Variants in CDH12 observed in about 807,000 individuals in gnomAD.
CDH12 encodes the protein cadherin 12, also known as cadherin-12.
In CDH12, 41 loss-of-function variants were observed where a neutral mutation model predicts 74.1. That is an observed-to-expected ratio of 0.55 (90% CI 0.43 to 0.72). The LOEUF (loss-of-function observed/expected upper bound fraction) is 0.72. CDH12 is among the 30% of genes least tolerant of loss of function. CDH12 has a pLI of 0.00. For synonymous variants in CDH12, 399 were observed against 355.0 expected (o/e 1.12, Z -1.39); for missense variants, 945 against 977.2 (o/e 0.97, Z 0.44).
At chr5:22,258,890 C>T (rs558793180) in intron 3 of CDH12, among the ~76,000 whole-genome samples, 3 of 152,250 alleles carry the variant, frequency 2.0e-5, no homozygotes, top group African/African-American at 7.2e-5. Flanking sequence ...GCAAGAATAT[C>T]ACCTAATGAT....
chr5:22,673,616 C>T (rs1439734549), intron 1 of CDH12, among the ~76,000 whole-genome samples: 1 of 152,002 alleles, frequency 6.6e-6, no homozygotes, highest in Admixed American at 6.6e-5. Flanking sequence ...GGATATTTAC[C>T]TAAGCTCACT....
chr5:22,844,314 A>G (rs374997476), intron 1 of CDH12, among the ~76,000 whole-genome samples: 4 of 152,114 alleles, frequency 2.6e-5, no homozygotes, highest in African/African-American at 9.7e-5. Context: ...TACATGACCC[A>G]CATTAATGTT....
chr5:22,374,541 A>G (rs1741438767), intron 3 of CDH12, among the ~76,000 whole-genome samples: 1 of 152,126 alleles, frequency 6.6e-6, no homozygotes, highest in Non-Finnish European at 1.5e-5. Flanking sequence ...TGGTGATATA[A>G]TCTTACATCT....
chr5:22,647,178 ATG>A (rs1173083252), intron 1 of CDH12, among the ~76,000 whole-genome samples: 1 of 151,758 alleles, frequency 6.6e-6, no homozygotes, highest in Admixed American at 6.6e-5. Context: ...ACATCCCACA[ATG>A]TGCAACTCAC....
rs141462964 is a variant in CDH12 at position 21,845,729 on chromosome 5, G to T, written c.647-3401C>A. ...ACAGAAAGCCACTTTAGGACAGAGA[G>T]AAGTTCTTTTATTTTCTTTTCTAAT... is the stretch of plus-strand genomic sequence containing the variant. On this transcript the variant is annotated intron_variant, in intron 7 of 14. Transcript: ENST00000382254. 1.5e-4 allele frequency among the ~76,000 whole-genome samples: 23 copies of T among 151,508 alleles called. 1 individual carries two copies. The East Asian group carries it at 4.3e-3, about 28-fold the overall frequency.
At chr5:22,675,938 C>G (rs1192557703) in intron 1 of CDH12, among the ~76,000 whole-genome samples, 6 of 127,320 alleles carry the variant, frequency 4.7e-5, no homozygotes, top group Non-Finnish European at 9.7e-5. Flanking sequence ...TTTAATTTTA[C>G]TGGATTTTAC....
At chr5:22,797,708 AG>A (rs1479958895) in intron 1 of CDH12, among the ~76,000 whole-genome samples, 1 of 152,200 alleles carries the variant, frequency 6.6e-6, no homozygotes, top group Non-Finnish European at 1.5e-5. Context: ...TAACTATTAG[AG>A]AATTTTACTA....
chr5:22,195,658 G>A (rs1750574514), intron 4 of CDH12, among the ~76,000 whole-genome samples: 1 of 152,142 alleles, frequency 6.6e-6, no homozygotes, highest in Non-Finnish European at 1.5e-5. Context: ...TATAAAATGT[G>A]TATTTATACC....
At chr5:22,499,850 T>C (rs377372107) in intron 2 of CDH12, among the ~76,000 whole-genome samples, 1 of 152,098 alleles carries the variant, frequency 6.6e-6, no homozygotes, top group Non-Finnish European at 1.5e-5. Flanking sequence ...CAAATATATA[T>C]AAAAAATTAT....
At position 21,837,836 on chromosome 5, in the gene CDH12, C is replaced by T. The variant is rs187916948; in HGVS notation, c.814+4325G>A. ...CAAAATGTGAAAACCTCTTCTTTCTCCTGGTTCAAAAATATCCCCCACCCG... is the reference window on the plus strand; with the variant it reads ...CAAAATGTGAAAACCTCTTCTTTCTTCTGGTTCAAAAATATCCCCCACCCG... On this transcript the variant is annotated intron_variant, in intron 8 of 14. Coordinates refer to ENST00000382254, the MANE Select transcript of CDH12 (RefSeq NM_004061.5). 1.1e-3 allele frequency among the ~76,000 whole-genome samples: 164 copies of T among 152,190 alleles called. 1 individual carries two copies. The highest frequency in any genetic ancestry group is 3.4e-3 in the Middle Eastern group (1 of 294).
At chr5:22,599,081 T>C (rs1736731521) in intron 1 of CDH12, among the ~76,000 whole-genome samples, 1 of 152,166 alleles carries the variant, frequency 6.6e-6, no homozygotes, top group Admixed American at 6.6e-5. Flanking sequence ...GATGCCTTTC[T>C]CATGAGATGT....
chr5:22,097,037 C>T (rs911451958), intron 4 of CDH12, among the ~76,000 whole-genome samples: 1 of 152,180 alleles, frequency 6.6e-6, no homozygotes, highest in Non-Finnish European at 1.5e-5. Flanking sequence ...AGCCACATCT[C>T]CAGCACACAA....
At chr5:21,962,523 T>C (rs957228667) in intron 6 of CDH12, among the ~76,000 whole-genome samples, 7 of 152,288 alleles carry the variant, frequency 4.6e-5, no homozygotes, top group Admixed American at 2.6e-4. Flanking sequence ...TGGGTCATTA[T>C]CATGTATGTT....
intron 3 of CDH12, among the ~76,000 whole-genome samples, chr5:22,321,296 A>G (rs989133238): frequency 1.3e-5 from 2 of 149,736 alleles, no homozygotes; most frequent in Admixed American, 6.7e-5. Context: ...CATATACACC[A>G]TGGAATACTA....
intron 3 of CDH12, among the ~76,000 whole-genome samples, chr5:22,326,012 T>G (rs142761240): frequency 0.012 from 1,841 of 152,254 alleles, 15 homozygotes; most frequent in Non-Finnish European, 0.018. Flanking sequence ...CATTTGATCC[T>G]AAAAGGAAAT....
chr5:22,429,264 T>A (rs1744070613), intron 2 of CDH12, among the ~76,000 whole-genome samples: 1 of 152,052 alleles, frequency 6.6e-6, no homozygotes, highest in Non-Finnish European at 1.5e-5. Context: ...CCTGAGTAGA[T>A]GGGACTACAG....
At chr5:21,758,665 T>G (rs1006835552) in intron 13 of CDH12, among the ~76,000 whole-genome samples, 1 of 152,184 alleles carries the variant, frequency 6.6e-6, no homozygotes, top group Non-Finnish European at 1.5e-5. Flanking sequence ...GTCCTTTATA[T>G]TTTTGTAATG....
intron 6 of CDH12, among the ~76,000 whole-genome samples, chr5:21,861,809 T>C (rs920246335): frequency 1.3e-5 from 2 of 152,160 alleles, no homozygotes; most frequent in African/African-American, 4.8e-5. Flanking sequence ...AAGGTATATT[T>C]TCTAACATTC....
At chr5:22,170,553 C>A (rs1748958530) in intron 4 of CDH12, among the ~76,000 whole-genome samples, 1 of 150,840 alleles carries the variant, frequency 6.6e-6, no homozygotes, top group African/African-American at 2.4e-5. Context: ...TACATATAAG[C>A]TTCTTATATA....
Sources: allele counts gnomAD v4.1 joint callset (sites outside exome capture counted in the v4.1 genomes callset), GRCh38; gene constraint gnomAD v4.1.1; transcripts MANE v1.5; gene names NCBI Gene and HGNC (gene_info 2026-07-23, HGNC 2026-07-21).